Variants in ARHGAP15 observed in about 807,000 individuals in gnomAD.
ARHGAP15 encodes rho GTPase-activating protein 15.
A neutral mutation model predicts 63.7 loss-of-function variants in ARHGAP15; 51 were observed. The ratio of observed to expected loss-of-function variants is 0.80; its 90% CI spans 0.64 to 1.01. ARHGAP15 has a LOEUF of 1.01. Among genes scored for constraint, ARHGAP15 ranks in the 50% least tolerant of loss-of-function variants. The probability of loss-of-function intolerance (pLI) is 0.00; values close to 1 mark genes in which losing one functional copy is unlikely to be tolerated. For missense variants in ARHGAP15, 560 were observed against 564.6 expected (o/e 0.99, Z 0.08); for synonymous variants, 191 against 193.8 (o/e 0.99, Z 0.12).
chr2:143,589,438 G>A (rs1366743045), intron 11 of ARHGAP15, among the ~76,000 whole-genome samples: 3 of 152,168 alleles, frequency 2.0e-5, no homozygotes, highest in Non-Finnish European at 2.9e-5. Flanking sequence ...ATCTCATTTA[G>A]TAATCACAGA....
chr2:143,211,835 A>G (rs1014536260), intron 3 of ARHGAP15, among the ~76,000 whole-genome samples: 11 of 152,182 alleles, frequency 7.2e-5, no homozygotes, highest in African/African-American at 2.7e-4. Context: ...CGCTTTCTAC[A>G]TCAAAGAACC....
At chr2:143,408,134 G>C (rs962400213) in intron 6 of ARHGAP15, among the ~76,000 whole-genome samples, 2 of 147,408 alleles carry the variant, frequency 1.4e-5, no homozygotes, top group South Asian at 4.3e-4. Context: ...CATTAATCTT[G>C]GTATAGAAAG....
intron 6 of ARHGAP15, among the ~76,000 whole-genome samples, chr2:143,290,357 G>T (rs1019063283): frequency 1.3e-5 from 2 of 151,904 alleles, no homozygotes; most frequent in Admixed American, 1.3e-4. Flanking sequence ...TAAAGTGGTG[G>T]TGTTTAAGGG....
chr2:143,670,908 ACAG>A (rs1682489550), intron 12 of ARHGAP15, among the ~76,000 whole-genome samples: 1 of 152,252 alleles, frequency 6.6e-6, no homozygotes, highest in African/African-American at 2.4e-5. Flanking sequence ...CTGAGGCTAA[ACAG>A]CAGGCCAAGG....
At chr2:143,148,182 CT>C (rs1689666448) in intron 1 of ARHGAP15, among the ~76,000 whole-genome samples, 4 of 152,170 alleles carry the variant, frequency 2.6e-5, no homozygotes, top group Admixed American at 2.6e-4. Flanking sequence ...TTGATATCCC[CT>C]CTCTGCCTTT....
chr2:143,436,313 T>G (rs1026268995), intron 7 of ARHGAP15, among the ~76,000 whole-genome samples: 1 of 152,320 alleles, frequency 6.6e-6, no homozygotes, highest in East Asian at 1.9e-4. Context: ...GGAAGAAATA[T>G]TCTTAATACG....
rs145193543 is a variant in ARHGAP15 at position 143,376,136 on chromosome 2, C to G, written c.475-59465C>G. ...GATTCTCAACATTACAGATATATTT[C>G]ATTATGCAACCCTTTAGTATTCTAA... On this transcript the variant is annotated intron_variant, in intron 6 of 13. Transcript: ENST00000295095. Among the ~76,000 whole-genome samples the G allele has an allele frequency of 6.6e-5, 10 of 152,276 alleles. No homozygotes were observed. The East Asian group carries it at 1.9e-3, about 29-fold the overall frequency.
intron 6 of ARHGAP15, among the ~76,000 whole-genome samples, chr2:143,408,204 G>C (rs879810745): frequency 6.7e-6 from 1 of 148,866 alleles, no homozygotes; most frequent in African/African-American, 2.4e-5. Flanking sequence ...TCTTTGGACA[G>C]TCTCTCTCCC....
intron 5 of ARHGAP15, among the ~76,000 whole-genome samples, chr2:143,243,869 A>T (rs1347988919): frequency 6.6e-6 from 1 of 152,152 alleles, no homozygotes; most frequent in East Asian, 1.9e-4. Flanking sequence ...ATTTTTACAC[A>T]ATCCTCCAGC....
chr2:143,591,505 C>T (rs1406980142), intron 11 of ARHGAP15, among the ~76,000 whole-genome samples: 5 of 151,900 alleles, frequency 3.3e-5, no homozygotes, highest in Non-Finnish European at 2.9e-5. Flanking sequence ...ACTAATAATA[C>T]TTCCTAATTT....
chr2:143,242,017 T>C (rs1219825339), intron 5 of ARHGAP15, among the ~76,000 whole-genome samples: 1 of 152,198 alleles, frequency 6.6e-6, no homozygotes, highest in African/African-American at 2.4e-5. Flanking sequence ...CTCCCATATT[T>C]CTTCCCATTT....
At chr2:143,298,390 G>A (rs919292612) in intron 6 of ARHGAP15, among the ~76,000 whole-genome samples, 2 of 151,822 alleles carry the variant, frequency 1.3e-5, no homozygotes, top group African/African-American at 2.4e-5. Context: ...ACAGCACTTT[G>A]TTTTACCTTA....
intron 11 of ARHGAP15, among the ~76,000 whole-genome samples, chr2:143,566,378 G>C (rs778135768): frequency 2.0e-5 from 3 of 152,106 alleles, no homozygotes; most frequent in Admixed American, 6.5e-5. Context: ...GATGCTTAAA[G>C]AGCTCCCACT....
intron 9 of ARHGAP15, among the ~76,000 whole-genome samples, chr2:143,490,157 G>A (rs564731837): frequency 4.1e-4 from 63 of 152,096 alleles, no homozygotes; most frequent in African/African-American, 1.4e-3. Flanking sequence ...CCGCCACCAC[G>A]CCCGGCTAAT....
intron 12 of ARHGAP15, among the ~76,000 whole-genome samples, chr2:143,679,276 G>T (rs1425095222): frequency 1.3e-5 from 2 of 152,182 alleles, no homozygotes; most frequent in Non-Finnish European, 1.5e-5. Context: ...TGGAGAAAGG[G>T]CTACATTACA....
chr2:143,467,224 A>G (rs1021840687), intron 8 of ARHGAP15, among the ~76,000 whole-genome samples: 3 of 125,962 alleles, frequency 2.4e-5, no homozygotes, highest in Admixed American at 8.7e-5. Flanking sequence ...TAGTCATGCT[A>G]TTCAATTACT....
intron 12 of ARHGAP15, among the ~76,000 whole-genome samples, chr2:143,625,228 T>C (rs1196859227): frequency 6.6e-6 from 1 of 152,126 alleles, no homozygotes; most frequent in Admixed American, 6.6e-5. Flanking sequence ...AAAACTGCTG[T>C]ATTCAGGAGG....
At chr2:143,577,735 A>G (rs1014981711) in intron 11 of ARHGAP15, among the ~76,000 whole-genome samples, 1 of 152,140 alleles carries the variant, frequency 6.6e-6, no homozygotes, top group African/African-American at 2.4e-5. Flanking sequence ...CACTGTGGCT[A>G]AGGAAATAGA....
intron 12 of ARHGAP15, among the ~76,000 whole-genome samples, chr2:143,679,206 G>A (rs1274117775): frequency 1.3e-5 from 2 of 152,004 alleles, no homozygotes; most frequent in Non-Finnish European, 2.9e-5. Context: ...GCTCTTAAGT[G>A]GGTTTGTGCA....
Sources: gnomAD v4.1 joint callset for allele counts (sites outside exome capture counted in the v4.1 genomes callset) on GRCh38, gnomAD v4.1.1 for gene constraint, MANE v1.5 for transcripts, NCBI Gene and HGNC (gene_info 2026-07-23, HGNC 2026-07-21) for gene names.